Variants in RPRD2 observed in about 807,000 individuals in gnomAD.
RPRD2 encodes regulation of nuclear pre-mRNA domain containing 2.
Under a neutral mutation model 104.4 loss-of-function variants are expected in RPRD2, and 12 were observed. The ratio of observed to expected loss-of-function variants is 0.11; its 90% CI spans 0.07 to 0.19. RPRD2 has a LOEUF of 0.19. RPRD2 is among the 10% of genes least tolerant of loss of function. RPRD2 has a pLI of 1.00. For missense variants in RPRD2, 1,543 were observed against 1,790.1 expected (o/e 0.86, Z 2.49); for synonymous variants, 714 against 684.9 (o/e 1.04, Z -0.66).
At chr1:150,431,302 C>G (rs1270195357) in intron 2 of RPRD2, among the ~76,000 whole-genome samples, 2 of 151,884 alleles carry the variant, frequency 1.3e-5, no homozygotes, top group Non-Finnish European at 2.9e-5. Flanking sequence ...GATATATACC[C>G]CAAAAGAAAT....
At chr1:150,447,289 A>G (rs1666847241) in intron 7 of RPRD2, among the ~76,000 whole-genome samples, 1 of 151,024 alleles carries the variant, frequency 6.6e-6, no homozygotes, top group Admixed American at 6.6e-5. Context: ...ACTGGATGGA[A>G]ACATCCTGTT....
intron 6 of RPRD2, among the ~76,000 whole-genome samples, 189 bp from the exon 7 acceptor site, chr1:150,446,037 T>C (rs879989466): frequency 3.6e-5 from 5 of 140,296 alleles, no homozygotes; most frequent in Non-Finnish European, 6.0e-5. Flanking sequence ...CACTGCACTC[T>C]AGCCTGGGCG....
At chr1:150,421,241 C>G (rs1466547784) in intron 2 of RPRD2, among the ~76,000 whole-genome samples, 1 of 151,998 alleles carries the variant, frequency 6.6e-6, no homozygotes, top group African/African-American at 2.4e-5. Flanking sequence ...TTATTTTAAA[C>G]TGTAATTAGG....
chr1:150,383,842 C>T (rs1197380077), intron 1 of RPRD2, among the ~76,000 whole-genome samples: 1 of 152,136 alleles, frequency 6.6e-6, no homozygotes, highest in Non-Finnish European at 1.5e-5. Flanking sequence ...TCTTAGGCTT[C>T]TCAGATTGCC....
intron 1 of RPRD2, among the ~76,000 whole-genome samples, chr1:150,375,915 C>CA (rs1660648308): frequency 6.6e-6 from 1 of 152,104 alleles, no homozygotes; most frequent in Non-Finnish European, 1.5e-5. Flanking sequence ...GTCAAGGAAA[C>CA]AAAAAGTAGT....
intron 2 of RPRD2, among the ~76,000 whole-genome samples, chr1:150,433,881 ATAT>A (rs1553892573): frequency 1.7e-5 from 2 of 115,224 alleles, no homozygotes; most frequent in African/African-American, 9.1e-5. Context: ...ATATATAGTT[ATAT>A]TATGTGTATA....
At chr1:150,441,068 T>A (rs1235486529) in intron 3 of RPRD2, 45 bp downstream of exon 3, 1 of 923,050 alleles carries the variant, frequency 1.1e-6, no homozygotes, top group Non-Finnish European at 1.7e-6. Flanking sequence ...TGAGTCAGTC[T>A]TTACAATTAC....
At chr1:150,411,956 C>A (rs1233754728) in intron 1 of RPRD2, among the ~76,000 whole-genome samples, 1 of 151,716 alleles carries the variant, frequency 6.6e-6, no homozygotes, top group Non-Finnish European at 1.5e-5. Context: ...TAAACCCTGT[C>A]TACTAAAAAT....
At chr1:150,435,766 C>T (rs1435885190) in intron 2 of RPRD2, among the ~76,000 whole-genome samples, 1 of 152,180 alleles carries the variant, frequency 6.6e-6, no homozygotes, top group Non-Finnish European at 1.5e-5. Context: ...GCAAGTTGTC[C>T]AGAGCTTCAG....
At chr1:150,382,986 T>C (rs1231983347) in intron 1 of RPRD2, among the ~76,000 whole-genome samples, 1 of 151,536 alleles carries the variant, frequency 6.6e-6, no homozygotes, top group Non-Finnish European at 1.5e-5. Context: ...TGTGCCCGGC[T>C]GGGATTTTTT....
intron 1 of RPRD2, among the ~76,000 whole-genome samples, chr1:150,390,597 T>C (rs61817506): frequency 1.1e-3 from 172 of 152,236 alleles, no homozygotes; most frequent in Non-Finnish European, 2.0e-3. Context: ...TAGACAGTTA[T>C]GCAAATTTGA....
chr1:150,406,113 C>T (rs374032668), intron 1 of RPRD2, among the ~76,000 whole-genome samples: 147 of 152,262 alleles, frequency 9.7e-4, no homozygotes, highest in Non-Finnish European at 1.5e-3. Flanking sequence ...AAAAGAAATT[C>T]GTGCTAGTTT....
At chr1:150,455,629 TAAAAA>T in intron 7 of RPRD2, among the ~76,000 whole-genome samples, 1 of 141,242 alleles carries the variant, frequency 7.1e-6, no homozygotes, top group African/African-American at 2.6e-5. Flanking sequence ...GGACATTAGG[TAAAAA>T]AAAAAAAAAA....
intron 2 of RPRD2, among the ~76,000 whole-genome samples, chr1:150,423,609 T>C (rs1039130744): frequency 6.6e-6 from 1 of 152,034 alleles, no homozygotes; most frequent in Non-Finnish European, 1.5e-5. Context: ...GAGGAAATAA[T>C]GAGCTTGGTA....
chr1:150,368,726 A>C (rs149553874), intron 1 of RPRD2, among the ~76,000 whole-genome samples: 1 of 151,828 alleles, frequency 6.6e-6, no homozygotes, highest in Non-Finnish European at 1.5e-5. Context: ...TCAGCCTCCC[A>C]AAGTGCTGGG....
intron 7 of RPRD2, among the ~76,000 whole-genome samples, chr1:150,447,334 CT>C (rs34565214): frequency 0.23 from 30,684 of 135,942 alleles, 3,385 homozygotes; most frequent in African/African-American, 0.35. Context: ...AATTAAGGAA[CT>C]TTTTTTTTTT....
chr1:150,445,837 G>A (rs1263930634), intron 6 of RPRD2, among the ~76,000 whole-genome samples: 2 of 152,104 alleles, frequency 1.3e-5, no homozygotes, highest in African/African-American at 4.8e-5. Flanking sequence ...GGGAGGCCCA[G>A]GCAGGCGGAT....
At chr1:150,418,184 G>A (rs1664502305) in intron 2 of RPRD2, among the ~76,000 whole-genome samples, 1 of 152,038 alleles carries the variant, frequency 6.6e-6, no homozygotes, top group Non-Finnish European at 1.5e-5. Flanking sequence ...AGCCAAGATG[G>A]TCTTAATCTC....
rs1236045373 is a variant in RPRD2 at position 150,474,234 on chromosome 1, T to C, written c.*900T>C. 6.6e-6 allele frequency: 1 copy of C among 152,230 alleles called. No individual in the cohort carries two copies. Among genetic ancestry groups the C allele is most frequent in the East Asian group, 1.9e-4 (1 of 5,208 alleles). 9.4% of individuals were successfully genotyped at this position (152,230 alleles called of 1,614,324 possible). A position where few individuals can be genotyped will look rare whatever the true frequency, so the allele number is the denominator to read the frequency against. On this transcript the variant is annotated 3_prime_UTR_variant, in exon 11 of 11. Coordinates refer to ENST00000369068, the MANE Select transcript of RPRD2 (RefSeq NM_015203.5). Reference sequence around the variant, plus strand: ...TGATACAAAGGTGCAACAGAAATATTATCCCTGCATTTTTAAATATAAGAA... The same window carrying C: ...TGATACAAAGGTGCAACAGAAATATCATCCCTGCATTTTTAAATATAAGAA...
Sources: allele counts gnomAD v4.1 joint callset (sites outside exome capture counted in the v4.1 genomes callset), GRCh38; gene constraint gnomAD v4.1.1; transcripts MANE v1.5; gene names NCBI Gene and HGNC (gene_info 2026-07-23, HGNC 2026-07-21).